The following SNTN variants were observed in gnomAD, a reference collection of about 807,000 sequenced individuals.
The protein encoded by SNTN is sentan.
In SNTN, 13 loss-of-function variants were observed where a neutral mutation model predicts 12.3. That is an observed-to-expected ratio of 1.05 (90% CI 0.69 to 1.67). The LOEUF (loss-of-function observed/expected upper bound fraction) is 1.67. SNTN is among the 40% of genes most tolerant of loss of function. The pLI is 0.00. For missense variants in SNTN, 189 were observed against 169.8 expected, an observed-to-expected ratio of 1.11 and a Z score of -0.63; for synonymous variants, 69 against 58.5, an observed-to-expected ratio of 1.18 and a Z score of -0.82.
chr3:63,654,058 C>G (rs942203704), intron 1 of SNTN, among the ~76,000 whole-genome samples: 33 of 152,342 alleles, frequency 2.2e-4, no homozygotes, highest in African/African-American at 7.9e-4. Context: ...CCATTACCCT[C>G]ACTGTAGACT....
intron 2 of SNTN, among the ~76,000 whole-genome samples, chr3:63,658,010 C>G (rs767417258): frequency 2.6e-5 from 4 of 152,170 alleles, no homozygotes; most frequent in Admixed American, 6.5e-5. Flanking sequence ...TTGATGCCTT[C>G]TCTTTCCACT....
chr3:63,659,615 G>A, intron 2 of SNTN, 110 bp from the exon 3 acceptor site: 1 of 1,298,528 alleles, frequency 7.7e-7, no homozygotes, highest in African/African-American at 1.5e-5. Context: ...GGAGGCAAAG[G>A]GCCAAGATTT....
rs756080238 is a variant in SNTN at position 63,664,061 on chromosome 3, T to C, written c.410T>C (p.Leu137Pro). 7 of 1,611,696 alleles carry C rather than the reference T, an allele frequency of 4.3e-6. No individual in the cohort carries two copies. The East Asian group carries it at 1.1e-4, about 26-fold the overall frequency. The change falls in exon 4 of 4, where the codon CTA becomes CCA. Residue 137 changes from leucine to proline, a missense_variant. Physicochemically the swap from Leu to Pro is moderately conservative, Grantham distance 98. Transcript: ENST00000343837. ...AGCATCACTGTCATGTCAGATCTGC[T>C]ACAAAATATACGGAATGTAAAAATT... ...LLSITVMSDL[L>P]QNIRNVKIMK
At chr3:63,654,721 C>A in intron 1 of SNTN, 41 bp from the exon 2 acceptor site, 1 of 1,592,352 alleles carries the variant, frequency 6.3e-7, no homozygotes, top group Non-Finnish European at 8.6e-7. Flanking sequence ...ATCAATACCC[C>A]AACTCCCAGA....
chr3:63,657,244 C>T (rs2106940105), intron 2 of SNTN, among the ~76,000 whole-genome samples: 1 of 152,220 alleles, frequency 6.6e-6, no homozygotes, highest in East Asian at 1.9e-4. Context: ...TAGGGAATAA[C>T]AAAGAGGGCA....
rs1700778653 is a variant in SNTN at position 63,664,366 on chromosome 3, G to C, written c.*271G>C. 3.2e-6 allele frequency: 1 copy of C among 310,888 alleles called. No individual in the cohort carries two copies. Among genetic ancestry groups the C allele is most frequent in the East Asian group, 6.6e-5 (1 of 15,068 alleles). 19.3% of individuals were successfully genotyped at this position (310,888 alleles called of 1,614,324 possible). A position where few individuals can be genotyped will look rare whatever the true frequency, so the allele number is the denominator to read the frequency against. ...CTTTTGCTGAGTCAGTAGCGACCTA[G>C]AGCACTCTACTTATAGTCATTGAGT... On this transcript the variant is annotated 3_prime_UTR_variant, in exon 4 of 4. Coordinates refer to ENST00000343837, the MANE Select transcript of SNTN (RefSeq NM_001080537.2).
chr3:63,652,905 G>A (rs930627335), intron 1 of SNTN, 108 bp downstream of exon 1: 8 of 935,460 alleles, frequency 8.6e-6, no homozygotes, highest in Admixed American at 4.3e-5. Context: ...CCAGTTTGGT[G>A]CCTATTACCT....
At position 63,664,953 on chromosome 3, in the gene SNTN, G is replaced by A. The variant is rs1040144829; in HGVS notation, c.*858G>A. Among the ~76,000 whole-genome samples, 2 of 151,706 alleles carry A rather than the reference G, an allele frequency of 1.3e-5. No homozygotes were observed. Among genetic ancestry groups the A allele is most frequent in the Admixed American group, 6.6e-5 (1 of 15,202 alleles). ...GTATTTTTAGTGGAGACGGGGTTTC[G>A]CCATGTCGGCCAGGCTGGTCTCGAA... is the stretch of plus-strand genomic sequence containing the variant. On this transcript the variant is annotated 3_prime_UTR_variant, in exon 4 of 4. Transcript: ENST00000343837.
rs780751632 is a variant in SNTN at position 63,652,817 on chromosome 3, C to G, written c.110+20C>G. 4.4e-6 allele frequency: 7 copies of G among 1,599,394 alleles called. No homozygotes were observed. In the South Asian group the frequency reaches 7.7e-5, roughly 18 times the overall value. On this transcript the variant is annotated intron_variant, in intron 1 of 3. Coordinates refer to ENST00000343837, the MANE Select transcript of SNTN (RefSeq NM_001080537.2). ...CAAAAGGTCAGTGGCACTTGGCTGT[C>G]TTTTATTGAGTTTCATTTAAGCTTG...
In SNTN at chr3:63,664,606, C is replaced by T. The variant is rs915153103; in HGVS notation, c.*511C>T. 2 of 150,830 alleles carry T rather than the reference C, an allele frequency of 1.3e-5. No individual in the cohort carries two copies. The highest frequency in any genetic ancestry group is 4.9e-5 in the African/African-American group (2 of 40,920). 9.3% of individuals were successfully genotyped at this position (150,830 alleles called of 1,614,324 possible). A position where few individuals can be genotyped will look rare whatever the true frequency, so the allele number is the denominator to read the frequency against. On this transcript the variant is annotated 3_prime_UTR_variant, in exon 4 of 4. Coordinates refer to ENST00000343837, the MANE Select transcript of SNTN (RefSeq NM_001080537.2). ...ATGCTAAAAGAGATTATCACCTGAT[C>T]GGAGTTCAAAGGTCAGAAAAGCTTT...
At chr3:63,658,948 A>G (rs1426446937) in intron 2 of SNTN, among the ~76,000 whole-genome samples, 1 of 152,226 alleles carries the variant, frequency 6.6e-6, no homozygotes, top group Non-Finnish European at 1.5e-5. Flanking sequence ...TGATTTTAAG[A>G]AAAAAGGTCT....
chr3:63,660,232 G>A (rs1700728880), intron 3 of SNTN, among the ~76,000 whole-genome samples: 2 of 152,122 alleles, frequency 1.3e-5, no homozygotes, highest in Non-Finnish European at 2.9e-5. Flanking sequence ...AAGGGGGAGT[G>A]AGAATGATGG....
At chr3:63,656,938 G>A (rs992945626) in intron 2 of SNTN, among the ~76,000 whole-genome samples, 52 of 152,120 alleles carry the variant, frequency 3.4e-4, no homozygotes, top group African/African-American at 1.2e-3. Flanking sequence ...CGATAGAGTG[G>A]GGGTTGATAC....
intron 2 of SNTN, among the ~76,000 whole-genome samples, chr3:63,657,371 C>G (rs941611419): frequency 6.6e-6 from 1 of 152,016 alleles, no homozygotes; most frequent in African/African-American, 2.4e-5. Flanking sequence ...TGCACTTAGC[C>G]CTTTACAATA....
At chr3:63,653,813 C>T (rs1292960936) in intron 1 of SNTN, among the ~76,000 whole-genome samples, 1 of 152,164 alleles carries the variant, frequency 6.6e-6, no homozygotes, top group African/African-American at 2.4e-5. Flanking sequence ...TCCTGTTGCC[C>T]TTAGGATAAT....
intron 3 of SNTN, 78 bp downstream of exon 3, chr3:63,659,942 A>C: frequency 1.3e-6 from 2 of 1,542,302 alleles, no homozygotes; most frequent in South Asian, 2.3e-5. Context: ...CTCCAGCTCC[A>C]GGTCCCTGTC....
chr3:63,663,521 A>T (rs1001958260), intron 3 of SNTN, among the ~76,000 whole-genome samples: 1 of 151,990 alleles, frequency 6.6e-6, no homozygotes, highest in African/African-American at 2.4e-5. Flanking sequence ...GCCTTATGGG[A>T]GGTGTTTGAA....
chr3:63,661,801 G>A (rs1319651631), intron 3 of SNTN, among the ~76,000 whole-genome samples: 2 of 151,844 alleles, frequency 1.3e-5, no homozygotes, highest in Non-Finnish European at 2.9e-5. Flanking sequence ...AAAGAAATGG[G>A]GCCCATATGC....
intron 2 of SNTN, among the ~76,000 whole-genome samples, chr3:63,656,418 G>C (rs1385836444): frequency 6.6e-6 from 1 of 152,150 alleles, no homozygotes; most frequent in African/African-American, 2.4e-5. Flanking sequence ...GCTTCATGTA[G>C]ATACTGAGCA....
Sources: gnomAD v4.1 joint callset for allele counts (sites outside exome capture counted in the v4.1 genomes callset) on GRCh38, gnomAD v4.1.1 for gene constraint, MANE v1.5 for transcripts, NCBI Gene and HGNC (gene_info 2026-07-23, HGNC 2026-07-21) for gene names.